The following XRCC4 variants were observed in gnomAD, a reference collection of about 807,000 sequenced individuals.
XRCC4 encodes X-ray repair cross complementing 4, also known as DNA repair protein XRCC4.
A neutral mutation model predicts 39.1 loss-of-function variants in XRCC4; 28 were observed. That is an observed-to-expected ratio of 0.72 (90% CI 0.53 to 0.98). XRCC4 has a LOEUF of 0.98. XRCC4 is among the 50% of genes least tolerant of loss of function. XRCC4 has a pLI of 0.00. For synonymous variants in XRCC4, 123 were observed against 126.4 expected (o/e 0.97, Z 0.18); for missense variants, 350 against 376.4 (o/e 0.93, Z 0.58).
the XRCC4 span, among the ~76,000 whole-genome samples, chr5:83,360,760 A>G: frequency 6.6e-6 from 1 of 151,694 alleles, no homozygotes; most frequent in Admixed American, 6.6e-5. Context: ...AACCTTTAGA[A>G]GAGCCGTCCA....
intron 1 of XRCC4, among the ~76,000 whole-genome samples, chr5:83,083,945 T>C (rs1745071851): frequency 6.6e-6 from 1 of 152,174 alleles, no homozygotes; most frequent in Non-Finnish European, 1.5e-5. Context: ...AAGTGCTGCT[T>C]TTCAGAGGAG....
chr5:83,195,808 C>T lies in XRCC4; in HGVS notation c.354C>T (p.Asn118=). Residue 118 remains asparagine (N), a synonymous_variant, in exon 4 of 8, where the codon AAC becomes AAT. Coordinates refer to ENST00000396027, the MANE Select transcript of XRCC4 (RefSeq NM_003401.5). ...CCTTCAACCTAGAGAAAGTTGAAAA[C>T]CCAGCTGAAGTCATTAGAGAACTTA... The part of the protein sequence containing the change: ...LGSFNLEKVE[N]PAEVIRELIC... The T allele has an allele frequency of 6.2e-7, 1 of 1,607,210 alleles. No homozygotes were observed. Among genetic ancestry groups the T allele is most frequent in the Non-Finnish European group, 8.5e-7 (1 of 1,176,254 alleles).
At chr5:83,127,215 C>G (rs561124774) in intron 3 of XRCC4, among the ~76,000 whole-genome samples, 1 of 152,206 alleles carries the variant, frequency 6.6e-6, no homozygotes, top group South Asian at 2.1e-4. Context: ...ATACTATGGT[C>G]TGAATATGTC....
At chr5:83,280,244 C>T in intron 7 of XRCC4, 1 of 334,226 alleles carries the variant, frequency 3.0e-6, no homozygotes, top group Non-Finnish European at 5.9e-6. Flanking sequence ...GGTGGAAACC[C>T]AATTTCTAAT....
chr5:83,097,938 C>T (rs146658419), intron 1 of XRCC4, among the ~76,000 whole-genome samples: 1 of 152,178 alleles, frequency 6.6e-6, no homozygotes, highest in East Asian at 1.9e-4. Context: ...ATTTTAAGAG[C>T]ACTTTGGAGC....
chr5:83,363,536 A>G, the XRCC4 span, among the ~76,000 whole-genome samples: 4 of 152,246 alleles, frequency 2.6e-5, no homozygotes, highest in South Asian at 8.3e-4. Flanking sequence ...TAATCCGCCG[A>G]TGCTATTCCC....
At chr5:83,200,965 T>C (rs981233077) in intron 4 of XRCC4, among the ~76,000 whole-genome samples, 1 of 152,182 alleles carries the variant, frequency 6.6e-6, no homozygotes, top group Non-Finnish European at 1.5e-5. Context: ...TCCTTTTCAA[T>C]ATTCAGTTTT....
intron 1 of XRCC4, among the ~76,000 whole-genome samples, chr5:83,079,497 T>C (rs1744836733): frequency 6.6e-6 from 1 of 152,160 alleles, no homozygotes; most frequent in Non-Finnish European, 1.5e-5. Flanking sequence ...AGAAATAAAA[T>C]CTGTCTGTGT....
At chr5:83,190,937 T>A (rs2974448) in intron 3 of XRCC4, among the ~76,000 whole-genome samples, 64,815 of 152,004 alleles carry the variant, frequency 0.43, 14,288 homozygotes, top group South Asian at 0.52. Context: ...CTTTATTTCT[T>A]TATTTGGACA....
chr5:83,264,665 G>C (rs1211568676), intron 7 of XRCC4, among the ~76,000 whole-genome samples: 2 of 152,018 alleles, frequency 1.3e-5, no homozygotes, highest in Non-Finnish European at 2.9e-5. Context: ...TGTCGTTGCA[G>C]ATCCCTCTCT....
chr5:83,367,904 A>G, the XRCC4 span, among the ~76,000 whole-genome samples: 1 of 151,854 alleles, frequency 6.6e-6, no homozygotes, highest in South Asian at 2.1e-4. Context: ...CTTTTAGTCA[A>G]TATTTTAGTG....
At chr5:83,185,162 A>G (rs1000037866) in intron 3 of XRCC4, among the ~76,000 whole-genome samples, 10 of 152,074 alleles carry the variant, frequency 6.6e-5, no homozygotes, top group African/African-American at 2.2e-4. Context: ...GTTATCAGCT[A>G]TAGTGTAGGA....
chr5:83,144,379 T>C (rs531441376), intron 3 of XRCC4, among the ~76,000 whole-genome samples: 2 of 151,888 alleles, frequency 1.3e-5, no homozygotes, highest in Admixed American at 1.3e-4. Flanking sequence ...ATTTGAAGTT[T>C]TGTCAGGGTG....
intron 6 of XRCC4, among the ~76,000 whole-genome samples, chr5:83,229,659 CTTT>C (rs61356475): frequency 7.7e-5 from 8 of 103,676 alleles, no homozygotes; most frequent in Non-Finnish European, 7.7e-5. Context: ...AATGTTTAAA[CTTT>C]TTTTTTTTTT....
intron 3 of XRCC4, among the ~76,000 whole-genome samples, chr5:83,138,001 A>G (rs79116143): frequency 0.012 from 1,847 of 152,266 alleles, 36 homozygotes; most frequent in African/African-American, 0.042. Context: ...ATTTCTAATC[A>G]TATATTTCTC....
chr5:83,346,972 T>C (rs1461591206), intron 7 of XRCC4, among the ~76,000 whole-genome samples: 1 of 152,194 alleles, frequency 6.6e-6, no homozygotes, highest in Non-Finnish European at 1.5e-5. Flanking sequence ...CTAAGCGTGA[T>C]TTCTTGGAGA....
chr5:83,339,953 T>C (rs945359034), intron 7 of XRCC4, among the ~76,000 whole-genome samples: 1 of 152,166 alleles, frequency 6.6e-6, no homozygotes, highest in Non-Finnish European at 1.5e-5. Context: ...TGTGTCTAGC[T>C]CAGTCTCTGA....
Position 83,111,096 on chromosome 5 carries a change from C to T in XRCC4, c.208C>T (p.Leu70=). 3 of 1,611,906 alleles carry T rather than the reference C, an allele frequency of 1.9e-6. No individual in the cohort carries two copies. The highest frequency in any genetic ancestry group is 1.7e-5 in the Admixed American group (1 of 59,664). ...GGAAAAAGGGAAATATGTTGGTGAA[C>T]TGAGAAAAGCATTGTTGTCAGGAGC... ...AMEKGKYVGE[L]RKALLSGAGP... Residue 70 remains leucine, a synonymous_variant, in exon 3 of 8, where the codon CTG becomes TTG. Coordinates refer to ENST00000396027, the MANE Select transcript of XRCC4 (RefSeq NM_003401.5).
chr5:83,355,691 G>A (rs955553204), downstream of XRCC4, among the ~76,000 whole-genome samples: 3 of 152,234 alleles, frequency 2.0e-5, no homozygotes, highest in African/African-American at 7.2e-5. Context: ...CCAGGCTGGA[G>A]TACAGTGGTG....
Sources: gnomAD v4.1 joint callset for allele counts (sites outside exome capture counted in the v4.1 genomes callset) on GRCh38, gnomAD v4.1.1 for gene constraint, MANE v1.5 for transcripts, NCBI Gene and HGNC (gene_info 2026-07-23, HGNC 2026-07-21) for gene names.